Variants in VPS13B observed in about 807,000 individuals in gnomAD.
VPS13B encodes the protein vacuolar protein sorting 13 homolog B, also known as intermembrane lipid transfer protein VPS13B.
A neutral mutation model predicts 426.4 loss-of-function variants in VPS13B; 285 were observed. The ratio of observed to expected loss-of-function variants is 0.67; its 90% CI spans 0.61 to 0.74. The LOEUF (loss-of-function observed/expected upper bound fraction) is 0.74, where lower values mean the gene tolerates loss of function less well. Ranked by LOEUF, VPS13B falls within the 30% of genes least tolerant of loss-of-function variation. VPS13B has a pLI of 0.00. For missense variants in VPS13B, 4,537 were observed against 4,782.6 expected, an observed-to-expected ratio of 0.95 and a Z score of 1.51; for synonymous variants, 1,676 against 1,676.4, an observed-to-expected ratio of 1.00 and a Z score of 0.01.
intron 19 of VPS13B, among the ~76,000 whole-genome samples, chr8:99,336,908 G>C (rs1810914597): frequency 6.6e-6 from 1 of 151,982 alleles, no homozygotes; most frequent in Non-Finnish European, 1.5e-5. Context: ...CTTTTACACT[G>C]TTGGTGGGAC....
chr8:99,514,181 A>G (rs1588452645), intron 29 of VPS13B, among the ~76,000 whole-genome samples: 2 of 152,220 alleles, frequency 1.3e-5, no homozygotes, highest in East Asian at 3.9e-4. Context: ...TCTTCACTGG[A>G]TAGGTCTTAT....
At chr8:99,249,517 T>TG (rs1417689710) in intron 17 of VPS13B, among the ~76,000 whole-genome samples, 2 of 149,764 alleles carry the variant, frequency 1.3e-5, no homozygotes, top group Non-Finnish European at 3.0e-5. Context: ...AGCCCCTCCC[T>TG]GGTTCACGCC....
intron 21 of VPS13B, among the ~76,000 whole-genome samples, chr8:99,415,469 G>A (rs1228126577): frequency 6.6e-6 from 1 of 151,994 alleles, no homozygotes; most frequent in Non-Finnish European, 1.5e-5. Context: ...GCAAGGAGTT[G>A]TGATCCTTTG....
intron 8 of VPS13B, among the ~76,000 whole-genome samples, chr8:99,124,567 C>T (rs1035997089): frequency 2.0e-5 from 3 of 152,002 alleles, no homozygotes; most frequent in African/African-American, 7.3e-5. Flanking sequence ...TATATACATA[C>T]AGTGGAATAA....
chr8:99,220,477 A>T (rs1027378478), intron 17 of VPS13B, among the ~76,000 whole-genome samples: 2 of 152,218 alleles, frequency 1.3e-5, no homozygotes, highest in Non-Finnish European at 2.9e-5. Flanking sequence ...ATTAAACTAG[A>T]TGTCATTTCC....
rs559195780 is a variant in VPS13B, at chr8:99,725,562, G to A, written c.7050+4515G>A. Among the ~76,000 whole-genome samples, 6 of 152,152 alleles carry A rather than the reference G, an allele frequency of 3.9e-5. No homozygotes were observed. The South Asian group carries it at 1.0e-3, about 26-fold the overall frequency. On this transcript the variant is annotated intron_variant, in intron 39 of 61. Coordinates refer to ENST00000357162, the MANE Select transcript of VPS13B (RefSeq NM_152564.5). Reference sequence around the variant, plus strand: ...TGGAAAAATTGTCTTCTATGAAACCGGTCCCTGGTGCCAAAAAGATTGGGG... The same window carrying A: ...TGGAAAAATTGTCTTCTATGAAACCAGTCCCTGGTGCCAAAAAGATTGGGG...
At chr8:99,116,687 G>A (rs1164765930) in intron 7 of VPS13B, among the ~76,000 whole-genome samples, 1 of 152,054 alleles carries the variant, frequency 6.6e-6, no homozygotes, top group East Asian at 1.9e-4. Context: ...GCCCGCCTCA[G>A]CATCACAAAG....
intron 19 of VPS13B, among the ~76,000 whole-genome samples, chr8:99,282,306 T>C (rs1269099562): frequency 6.6e-6 from 1 of 152,202 alleles, no homozygotes; most frequent in East Asian, 1.9e-4. Flanking sequence ...TTTGAAAATA[T>C]CTTCTTTAAA....
At chr8:99,814,378 G>A (rs1179285517) in intron 44 of VPS13B, among the ~76,000 whole-genome samples, 1 of 152,092 alleles carries the variant, frequency 6.6e-6, no homozygotes, top group African/African-American at 2.4e-5. Flanking sequence ...GAGGAAGAAG[G>A]CTGGTTCAGT....
chr8:99,809,377 G>T lies in VPS13B; in HGVS notation c.7944G>T (p.Leu2648=). The change falls in exon 44 of 62, where the codon CTG becomes CTT. Residue 2648 remains leucine, a splice_region_variant and synonymous_variant. Coordinates refer to ENST00000357162, the MANE Select transcript of VPS13B (RefSeq NM_152564.5). ...YSWRSHKSPQ[L]LHICIEGWGN... ...ACGATTATTGTTTTTTTCTCCAGCT[G>T]TTACACATCTGTATTGAAGGTTGGG... 6.2e-7 allele frequency: 1 copy of T among 1,613,940 alleles called. No individual in the cohort carries two copies. The highest frequency in any genetic ancestry group is 8.5e-7 in the Non-Finnish European group (1 of 1,179,920).
Position 99,103,007 on chromosome 8 carries a change from A to G in VPS13B, c.467A>G (p.Asn156Ser), listed in dbSNP as rs2132453944. The change falls in exon 5 of 62, where the codon AAT becomes AGT. Residue 156 changes from asparagine to serine, a missense_variant. This residue lies in a region of VPS13B where 226 missense variants were observed against 308.3 expected (regional missense o/e 0.73). Coordinates refer to ENST00000357162, the MANE Select transcript of VPS13B (RefSeq NM_152564.5). ...GTAAATAATGTAAACATTGTGATAA[A>G]TAATCTCATACTAAAATATGTTGAA... ...RVVNNVNIVI[N>S]NLILKYVEDD... 4 of 1,612,700 alleles carry G rather than the reference A, an allele frequency of 2.5e-6. No homozygotes were observed. In the East Asian group the frequency reaches 6.7e-5, roughly 27 times the overall value.
intron 3 of VPS13B, among the ~76,000 whole-genome samples, chr8:99,082,212 G>C (rs540023594): frequency 3.9e-5 from 6 of 152,334 alleles, no homozygotes; most frequent in African/African-American, 1.4e-4. Flanking sequence ...CTGATGGCCA[G>C]TGATGATGAG....
intron 39 of VPS13B, among the ~76,000 whole-genome samples, chr8:99,735,234 A>G (rs1563888774): frequency 3.3e-5 from 5 of 152,212 alleles, no homozygotes. Flanking sequence ...TAGTAAATAA[A>G]TAGTAGATGA....
intron 17 of VPS13B, 146 bp from the exon 18 acceptor site, chr8:99,274,050 AAT>A: frequency 3.5e-6 from 4 of 1,133,572 alleles, no homozygotes; most frequent in Admixed American, 2.2e-5. Flanking sequence ...TCACCTCTGA[AAT>A]ACTAAACTAT....
At chr8:99,315,838 T>C (rs1327786315) in intron 19 of VPS13B, among the ~76,000 whole-genome samples, 1 of 152,172 alleles carries the variant, frequency 6.6e-6, no homozygotes, top group African/African-American at 2.4e-5. Flanking sequence ...TTGAGAATTA[T>C]TGTGTTCTTT....
At chr8:99,151,478 A>G (rs1811075694) in intron 14 of VPS13B, among the ~76,000 whole-genome samples, 1 of 151,618 alleles carries the variant, frequency 6.6e-6, no homozygotes, top group African/African-American at 2.4e-5. Context: ...TCCTTTACGA[A>G]TTGGTCCATT....
At chr8:99,650,461 A>G (rs1166555307) in intron 34 of VPS13B, among the ~76,000 whole-genome samples, 1 of 152,176 alleles carries the variant, frequency 6.6e-6, no homozygotes, top group South Asian at 2.1e-4. Context: ...ATATATATGT[A>G]TAGTTAAATA....
intron 17 of VPS13B, among the ~76,000 whole-genome samples, chr8:99,210,472 T>A (rs952136302): frequency 1.3e-5 from 2 of 152,170 alleles, no homozygotes; most frequent in Non-Finnish European, 2.9e-5. Flanking sequence ...TTTTGTAGTG[T>A]TTGTATGTGA....
chr8:99,287,270 CTATCTATCTA>C (rs1461718228), intron 19 of VPS13B, among the ~76,000 whole-genome samples: 4 of 151,650 alleles, frequency 2.6e-5, no homozygotes, highest in African/African-American at 9.7e-5. Flanking sequence ...ATCTATCTAT[CTATCTATCTA>C]TCTATCTCTC....
Sources: allele counts gnomAD v4.1 joint callset (sites outside exome capture counted in the v4.1 genomes callset), GRCh38; gene constraint gnomAD v4.1.1; regional missense constraint gnomAD v4.1.1; transcripts MANE v1.5; gene names NCBI Gene and HGNC (gene_info 2026-07-23, HGNC 2026-07-21).